Variants in PER3 observed in about 807,000 individuals in gnomAD.
The protein encoded by PER3 is period circadian protein homolog 3.
PER3 carries 107 observed loss-of-function variants against 127.2 expected under a neutral mutation model. The ratio of observed to expected loss-of-function variants is 0.84; its 90% CI spans 0.72 to 0.99. The LOEUF (loss-of-function observed/expected upper bound fraction) is 0.99, where lower values mean the gene tolerates loss of function less well. PER3 is among the 50% of genes least tolerant of loss of function. The pLI is 0.00. For missense variants in PER3, 1,560 were observed against 1,525.8 expected (o/e 1.02, Z -0.37); for synonymous variants, 618 against 585.8 (o/e 1.05, Z -0.79).
chr1:7,798,505 A>G lies in PER3; in HGVS notation c.645-20A>G, dbSNP rs752940203. On this transcript the variant is annotated intron_variant, in intron 6 of 21. Transcript: ENST00000377532. ...AGTAGGGTGCGTCAGGACCAGCACT[A>G]ATATCTTTAATCTCCTCAGTGGAGG... 1.2e-5 allele frequency: 20 copies of G among 1,607,498 alleles called. No homozygotes were observed. Among genetic ancestry groups the G allele is most frequent in the East Asian group, 8.9e-5 (4 of 44,766 alleles).
At chr1:7,809,030 C>T (rs1266059196) in intron 11 of PER3, 32 bp downstream of exon 11, 1 of 1,057,108 alleles carries the variant, frequency 9.5e-7, no homozygotes, top group Non-Finnish European at 1.5e-6. Flanking sequence ...TGCAAAGTTC[C>T]CTGAATTGTG....
At chr1:7,787,537 T>C (rs3766610) in intron 4 of PER3, 67 of 391,756 alleles carry the variant, frequency 1.7e-4, no homozygotes, top group African/African-American at 1.2e-3. Flanking sequence ...TTTTAAGATA[T>C]TTAAAATAAA....
At chr1:7,810,234 A>T in intron 12 of PER3, 1 of 632,234 alleles carries the variant, frequency 1.6e-6, no homozygotes. Context: ...GCGTTCTAAA[A>T]ATTAGCATAT....
intron 18 of PER3, among the ~76,000 whole-genome samples, chr1:7,828,512 T>C (rs170633): frequency 0.97 from 147,195 of 152,334 alleles, 71,136 homozygotes; most frequent in East Asian, 1. Context: ...TTTGACCTTC[T>C]CTTTAAGGTA....
intron 6 of PER3, among the ~76,000 whole-genome samples, chr1:7,794,396 G>T (rs1464930363): frequency 6.6e-6 from 1 of 152,166 alleles, no homozygotes; most frequent in African/African-American, 2.4e-5. Flanking sequence ...GGGAGGCTGA[G>T]GCAGGAGAAT....
chr1:7,787,280 T>C, intron 4 of PER3: 1 of 500,336 alleles, frequency 2.0e-6, no homozygotes, highest in Non-Finnish European at 2.6e-6. Context: ...TCCTAAAATT[T>C]TGGAAGAGAC....
chr1:7,809,087 A>C, intron 11 of PER3, 89 bp downstream of exon 11: 1 of 661,818 alleles, frequency 1.5e-6, no homozygotes, highest in East Asian at 2.8e-5. Context: ...ATAAACTGTA[A>C]AGGGAGACAA....
intron 16 of PER3, among the ~76,000 whole-genome samples, chr1:7,820,903 T>C (rs572186242): frequency 3.3e-5 from 5 of 152,352 alleles, no homozygotes; most frequent in African/African-American, 1.2e-4. Context: ...ACCTAGTAGG[T>C]AGGTATTAGC....
intron 19 of PER3, among the ~76,000 whole-genome samples, chr1:7,835,243 G>A (rs1425443067): frequency 6.6e-6 from 1 of 152,164 alleles, no homozygotes; most frequent in Non-Finnish European, 1.5e-5. Context: ...ACTGTACCCT[G>A]TTATATGTGA....
intron 20 of PER3, 169 bp from the exon 21 acceptor site, chr1:7,836,830 C>T: frequency 2.0e-6 from 1 of 490,548 alleles, no homozygotes. Context: ...AGAAAAAAGC[C>T]TTTACCAACT....
Position 7,829,965 on chromosome 1 carries a change from GAA to G in PER3, c.3019_3020del (p.Lys1007GlufsTer75). The G allele has an allele frequency of 3.5e-6, 4 of 1,137,506 alleles. No individual in the cohort carries two copies. The highest frequency in any genetic ancestry group is 1.9e-5 in the South Asian group (1 of 51,624). The allele number at this position is 1,137,506 out of a possible 1,614,324, so 70.5% of individuals were successfully genotyped here. A position where few individuals can be genotyped will look rare whatever the true frequency, so the allele number is the denominator to read the frequency against. On this transcript the variant is annotated frameshift_variant, in exon 19 of 22. Transcript: ENST00000377532. LOFTEE classifies it high-confidence loss of function. ...CTCTGTCCACAGGATCGCCTCCCAT[GAA>G]GAATCCATCCCATCCTACTGCCAGC... is the stretch of plus-strand genomic sequence containing the variant. Reference protein sequence around the residue: ...SALSTGSPPMKNPSHPTASAL... With the variant: ...SALSTGSPPMXNPSHPTASAL...
rs573090972 is a variant in PER3 at position 7,803,607 on chromosome 1, T to C, written c.980-85T>C. 24 of 883,774 alleles carry C rather than the reference T, an allele frequency of 2.7e-5. No homozygotes were observed. In the South Asian group the frequency reaches 3.2e-4, roughly 12 times the overall value. 54.7% of individuals were successfully genotyped at this position (883,774 alleles called of 1,614,324 possible). Reference sequence around the variant, plus strand: ...AATCTCAAAAAAAACCACTAAAACATTTACAAATAAATGGCTTAAAAAGGA... The same window carrying C: ...AATCTCAAAAAAAACCACTAAAACACTTACAAATAAATGGCTTAAAAAGGA... On this transcript the variant is annotated intron_variant, in intron 9 of 21. Coordinates refer to ENST00000377532, the MANE Select transcript of PER3 (RefSeq NM_001377275.1).
Position 7,835,027 on chromosome 1 carries a change from A to G in PER3, c.3215-735A>G, listed in dbSNP as rs1423377985. Among the ~76,000 whole-genome samples the G allele has an allele frequency of 2.0e-5, 3 of 152,104 alleles. No individual in the cohort carries two copies. The East Asian group carries it at 5.8e-4, about 29-fold the overall frequency. Reference sequence around the variant, plus strand: ...GGGGTACATATATCATTAATTGTGTATGTTTGGTATCATAAAGGTGATTAA... The same window carrying G: ...GGGGTACATATATCATTAATTGTGTGTGTTTGGTATCATAAAGGTGATTAA... On this transcript the variant is annotated intron_variant, in intron 19 of 21. Coordinates refer to ENST00000377532, the MANE Select transcript of PER3 (RefSeq NM_001377275.1).
At position 7,784,945 on chromosome 1, in the gene PER3, CGGG is replaced by C. The variant is rs773833592; in HGVS notation, c.71_73del (p.Gly24del). The stretch of plus-strand genomic sequence containing the variant: ...AAGGACGAGGCCCTGGGCGAAGAAT[CGGG>C]GGAGCGGTGGAGCCCCGAGTTCCAT... On this transcript the variant is annotated inframe_deletion, in exon 2 of 22. Transcript: ENST00000377532. 6.5e-7 allele frequency: 1 copy of C among 1,542,192 alleles called. No homozygotes were observed. Among genetic ancestry groups the C allele is most frequent in the East Asian group, 2.5e-5 (1 of 39,616 alleles).
intron 6 of PER3, among the ~76,000 whole-genome samples, chr1:7,796,153 A>G (rs1455907983): frequency 6.6e-6 from 1 of 152,088 alleles, no homozygotes; most frequent in Non-Finnish European, 1.5e-5. Context: ...CTTAGCCCAG[A>G]CTTGGCATCA....
In PER3 at chr1:7,784,917, G is replaced by A. The variant is rs748881040; in HGVS notation, c.40G>A (p.Ala14Thr). 3 of 1,529,636 alleles carry A rather than the reference G, an allele frequency of 2.0e-6. No homozygotes were observed. The highest frequency in any genetic ancestry group is 1.5e-5 in the African/African-American group (1 of 68,526). The allele number at this position is 1,529,636 out of a possible 1,614,324, so 94.8% of individuals were successfully genotyped here. ...GEAPGPGRRG[A>T]KDEALGEESG... ...AGCTCCTGGCCCCGGGAGACGGGGG[G>A]CTAAGGACGAGGCCCTGGGCGAAGA... The change falls in exon 2 of 22, where the codon GCT (alanine) becomes ACT (threonine). Residue 14 changes from alanine (A) to threonine (T), a missense_variant. Transcript: ENST00000377532.
At chr1:7,791,811 A>G (rs550275663) in intron 5 of PER3, among the ~76,000 whole-genome samples, 2 of 152,322 alleles carry the variant, frequency 1.3e-5, no homozygotes, top group African/African-American at 4.8e-5. Context: ...CTCTTTGCAT[A>G]GCAGAAGTGT....
At position 7,827,819 on chromosome 1, in the gene PER3, A is replaced by T. The variant is rs1401387607; in HGVS notation, c.2886+4A>T. 2 of 1,589,086 alleles carry T rather than the reference A, an allele frequency of 1.3e-6. No individual in the cohort carries two copies. The highest frequency in any genetic ancestry group is 1.7e-6 in the Non-Finnish European group (2 of 1,162,262). On this transcript the variant is annotated splice_donor_region_variant and intron_variant, in intron 18 of 21. Transcript: ENST00000377532. ...CACGTGCCCACAAACTGAGTATGTA[A>T]GTGATGCTCATTTTCAACACTCAAG...
At chr1:7,808,559 A>G (rs1282451544) in intron 10 of PER3, among the ~76,000 whole-genome samples, 5 of 152,214 alleles carry the variant, frequency 3.3e-5, no homozygotes, top group Admixed American at 3.3e-4. Flanking sequence ...ACAGTTACTC[A>G]GTTACTGTCA....
Sources: gnomAD v4.1 joint callset for allele counts (sites outside exome capture counted in the v4.1 genomes callset) on GRCh38, gnomAD v4.1.1 for gene constraint, MANE v1.5 for transcripts, NCBI Gene and HGNC (gene_info 2026-07-23, HGNC 2026-07-21) for gene names.